The following FAM228B variants were observed in gnomAD, a reference collection of about 807,000 sequenced individuals.
FAM228B encodes family with sequence similarity 228 member B.
FAM228B carries 38 observed loss-of-function variants against 42.6 expected under a neutral mutation model. The ratio of observed to expected loss-of-function variants is 0.89; its 90% CI spans 0.69 to 1.17. The LOEUF (loss-of-function observed/expected upper bound fraction) is 1.17, where lower values mean the gene tolerates loss of function less well. Among genes scored for constraint, FAM228B ranks in the 50% most tolerant of loss-of-function variants. The pLI is 0.00. For synonymous variants in FAM228B, 109 were observed against 122.3 expected (o/e 0.89, Z 0.72); for missense variants, 344 against 367.3 (o/e 0.94, Z 0.52).
At chr2:24,136,596 C>T (rs1666597953) in intron 3 of FAM228B, among the ~76,000 whole-genome samples, 1 of 152,136 alleles carries the variant, frequency 6.6e-6, no homozygotes, top group African/African-American at 2.4e-5. Context: ...TTCCTGGGCT[C>T]ATGTGATCCT....
intron 3 of FAM228B, among the ~76,000 whole-genome samples, chr2:24,103,762 C>G (rs980803584): frequency 2.6e-5 from 4 of 152,182 alleles, no homozygotes; most frequent in African/African-American, 9.7e-5. Context: ...GGTCAGACTC[C>G]CTGCCTGTCG....
At chr2:24,124,198 C>T (rs776945547) in intron 1 of FAM228B, 132 bp from the exon 2 acceptor site, 124 of 554,726 alleles carry the variant, frequency 2.2e-4, no homozygotes, top group Admixed American at 3.8e-4. Flanking sequence ...TAGTGAAGGC[C>T]TCTTGTTAGG....
At chr2:24,079,380 G>A in intron 1 of FAM228B, 1 of 1,542,220 alleles carries the variant, frequency 6.5e-7, no homozygotes, top group Non-Finnish European at 8.9e-7. Context: ...CTTTCTCGGG[G>A]TAATGTAAAT....
At chr2:24,158,840 C>T (rs1667222864) in intron 7 of FAM228B, among the ~76,000 whole-genome samples, 1 of 152,080 alleles carries the variant, frequency 6.6e-6, no homozygotes, top group Non-Finnish European at 1.5e-5. Context: ...CCTGGGCTTG[C>T]CATAACAAAG....
At chr2:24,117,474 G>A (rs1038434450) in intron 3 of FAM228B, among the ~76,000 whole-genome samples, 6 of 148,644 alleles carry the variant, frequency 4.0e-5, no homozygotes, top group African/African-American at 1.2e-4. Context: ...ACAGAGTCTC[G>A]CTGTGACGCC....
intron 2 of FAM228B, among the ~76,000 whole-genome samples, chr2:24,126,020 T>C (rs765114495): frequency 6.6e-6 from 1 of 152,238 alleles, no homozygotes; most frequent in Non-Finnish European, 1.5e-5. Flanking sequence ...ATTCCTTTTT[T>C]GGTTGAATGC....
intron 7 of FAM228B, among the ~76,000 whole-genome samples, chr2:24,156,282 C>T (rs1358844166): frequency 6.6e-6 from 1 of 152,112 alleles, no homozygotes; most frequent in East Asian, 1.9e-4. Context: ...TGCTCATTAT[C>T]CCTTTACTTA....
At chr2:24,103,745 T>C (rs1329892592) in intron 3 of FAM228B, among the ~76,000 whole-genome samples, 1 of 152,228 alleles carries the variant, frequency 6.6e-6, no homozygotes, top group Non-Finnish European at 1.5e-5. Context: ...AGAATCGCTA[T>C]AGTCCAGGTC....
intron 3 of FAM228B, among the ~76,000 whole-genome samples, chr2:24,116,249 A>T (rs561074133): frequency 6.6e-6 from 1 of 151,918 alleles, no homozygotes; most frequent in East Asian, 2.0e-4. Context: ...AATTGCTTGA[A>T]CCCGGGAGGC....
intron 3 of FAM228B, among the ~76,000 whole-genome samples, chr2:24,098,798 C>T (rs1175852008): frequency 1.3e-5 from 2 of 152,216 alleles, no homozygotes; most frequent in East Asian, 3.8e-4. Flanking sequence ...CAACATCATC[C>T]TTATGCCAAA....
At chr2:24,164,068 T>TA in intron 8 of FAM228B, 130 bp from the exon 9 acceptor site, 1 of 849,930 alleles carries the variant, frequency 1.2e-6, no homozygotes, top group Non-Finnish European at 1.7e-6. Flanking sequence ...AAAAAGTAAA[T>TA]ACGTTTATTT....
chr2:24,143,542 A>G (rs1251638512), intron 5 of FAM228B, among the ~76,000 whole-genome samples: 4 of 152,218 alleles, frequency 2.6e-5, no homozygotes, highest in Non-Finnish European at 5.9e-5. Context: ...TTCTTCATAT[A>G]TGACAACTAA....
rs562670590 is a variant in FAM228B, at chr2:24,115,320, G to A, written c.-120-19799G>A. 12 of 442,898 alleles carry A rather than the reference G, an allele frequency of 2.7e-5. No homozygotes were observed. The East Asian group carries it at 3.2e-4, about 12-fold the overall frequency. The allele number at this position is 442,898 out of a possible 1,614,324, so 27.4% of individuals were successfully genotyped here. A position where few individuals can be genotyped will look rare whatever the true frequency, so the allele number is the denominator to read the frequency against. On this transcript the variant is annotated intron_variant, in intron 3 of 10. Transcript: ENST00000613899. Reference sequence around the variant, plus strand: ...AGGAGTACAAGAGCCTCACAGAAAGGAGCCTCCCAATAGATATGCTCTGTG... The same window carrying A: ...AGGAGTACAAGAGCCTCACAGAAAGAAGCCTCCCAATAGATATGCTCTGTG...
At chr2:24,156,805 A>C (rs1320818304) in intron 7 of FAM228B, among the ~76,000 whole-genome samples, 2 of 102,292 alleles carry the variant, frequency 2.0e-5, no homozygotes, top group East Asian at 3.6e-4. Flanking sequence ...TGTTTCATTT[A>C]TCTTTTGTAT....
intron 9 of FAM228B, chr2:24,166,054 A>AAAAAAAAAT (rs56146407): frequency 1.2e-5 from 1 of 81,030 alleles, no homozygotes; most frequent in African/African-American, 4.0e-5. Flanking sequence ...AAAAAAAAAA[A>AAAAAAAAAT]ATATATATAT....
intron 7 of FAM228B, among the ~76,000 whole-genome samples, chr2:24,155,311 T>C (rs1438294607): frequency 6.6e-6 from 1 of 151,762 alleles, no homozygotes; most frequent in Non-Finnish European, 1.5e-5. Context: ...CATTAATGAC[T>C]GGTGGTCATT....
intron 7 of FAM228B, among the ~76,000 whole-genome samples, chr2:24,152,055 G>C (rs537491478): frequency 6.6e-6 from 1 of 151,948 alleles, no homozygotes; most frequent in African/African-American, 2.4e-5. Flanking sequence ...TTTTAGTAGA[G>C]ACAGGGTTTC....
intron 3 of FAM228B, among the ~76,000 whole-genome samples, chr2:24,135,640 A>G (rs1666563148): frequency 6.6e-6 from 1 of 152,162 alleles, no homozygotes; most frequent in Non-Finnish European, 1.5e-5. Context: ...ATTTTTAAGA[A>G]ATTTCTTTAG....
At chr2:24,098,279 A>T (rs1268472537) in intron 3 of FAM228B, among the ~76,000 whole-genome samples, 1 of 152,204 alleles carries the variant, frequency 6.6e-6, no homozygotes, top group African/African-American at 2.4e-5. Context: ...GAAATAACTG[A>T]GATCAGAGCA....
Sources: gnomAD v4.1 joint callset for allele counts (sites outside exome capture counted in the v4.1 genomes callset) on GRCh38, gnomAD v4.1.1 for gene constraint, MANE v1.5 for transcripts, NCBI Gene and HGNC (gene_info 2026-07-23, HGNC 2026-07-21) for gene names.